Variants in SOX2 observed in about 807,000 individuals in gnomAD.
SOX2 encodes SRY-box transcription factor 2.
In SOX2, 2 loss-of-function variants were observed where a neutral mutation model predicts 19.7. The ratio of observed to expected loss-of-function variants is 0.10; its 90% CI spans 0.04 to 0.32. SOX2 has a LOEUF of 0.32. Among genes scored for constraint, SOX2 ranks in the 10% least tolerant of loss-of-function variants. The pLI, the probability that SOX2 is intolerant of heterozygous loss-of-function variation, is 1.00. For synonymous variants in SOX2, 211 were observed against 196.8 expected (o/e 1.07, Z -0.60); for missense variants, 294 against 459.9 (o/e 0.64, Z 3.30).
In SOX2 at chr3:181,713,143, C is replaced by T; in HGVS notation, c.783C>T (p.Ser261=). The change falls in exon 1 of 1, where the codon TCC becomes TCT. Residue 261 remains serine (S), a synonymous_variant. Coordinates refer to ENST00000325404, the MANE Select transcript of SOX2 (RefSeq NM_003106.4). ...SPPVVTSSSH[S]RAPCQAGDLR... ...CTGTGGTTACCTCTTCCTCCCACTC[C>T]AGGGCGCCCTGCCAGGCCGGGGACC... 3 of 1,613,724 alleles carry T rather than the reference C, an allele frequency of 1.9e-6. No homozygotes were observed. Among genetic ancestry groups the T allele is most frequent in the Non-Finnish European group, 2.5e-6 (3 of 1,180,038 alleles).
At position 181,713,983 on chromosome 3, in the gene SOX2, G is replaced by GA. The variant is rs1224318426; in HGVS notation, c.*675dup. On this transcript the variant is annotated 3_prime_UTR_variant, in exon 1 of 1. Transcript: ENST00000325404. ...TAATTGTTTAAAAATTGTACAAAAG[G>GA]AAAAAATTAGAATAAGTACTGGCGA... The GA allele has an allele frequency of 5.3e-5, 13 of 244,762 alleles. No individual in the cohort carries two copies. The highest frequency in any genetic ancestry group is 1.3e-3 in the Middle Eastern group (1 of 764). 15.2% of individuals were successfully genotyped at this position (244,762 alleles called of 1,614,324 possible).
chr3:181,713,384 AGAG>A lies in SOX2; in HGVS notation c.*74_*76del. Reference sequence around the variant, plus strand: ...ACGAGGGAAATGGGAGGGGTGCAAAAGAGGAGAGTAAGAAACAGCATGGAGAAA... The same window carrying A: ...ACGAGGGAAATGGGAGGGGTGCAAAAGAGAGTAAGAAACAGCATGGAGAAA... On this transcript the variant is annotated 3_prime_UTR_variant, in exon 1 of 1. Transcript: ENST00000325404. 1 of 1,543,592 alleles carries A rather than the reference AGAG, an allele frequency of 6.5e-7. No homozygotes were observed. The highest frequency in any genetic ancestry group is 8.8e-7 in the Non-Finnish European group (1 of 1,140,726).
Position 181,712,282 on chromosome 3 carries a change from CG to C in SOX2, c.-78del, listed in dbSNP as rs1714827550. On this transcript the variant is annotated 5_prime_UTR_variant, in exon 1 of 1. Transcript: ENST00000325404. This position sits in a 1 kb window ranked among gnomAD's most constrained non-coding sequence, Gnocchi z 8.5. ...CCCGCCTCCCCTCCTCCTCTCCCCC[CG>C]CCCGCGGGCCCCCCAAAGTCCCGGC... The C allele has an allele frequency of 8.4e-7, 1 of 1,192,462 alleles. No individual in the cohort carries two copies. Among genetic ancestry groups the C allele is most frequent in the African/African-American group, 1.6e-5 (1 of 62,698 alleles). The allele number at this position is 1,192,462 out of a possible 1,614,324, so 73.9% of individuals were successfully genotyped here. A position where few individuals can be genotyped will look rare whatever the true frequency, so the allele number is the denominator to read the frequency against.
rs1259166015 is a variant in SOX2 at position 181,713,509 on chromosome 3, C to G, written c.*195C>G. On this transcript the variant is annotated 3_prime_UTR_variant, in exon 1 of 1. Coordinates refer to ENST00000325404, the MANE Select transcript of SOX2 (RefSeq NM_003106.4). ...AGAACACCAATCCCATCCACACTCA[C>G]GCAAAAACCGCGATGCCGACAAGAA... 4 of 721,326 alleles carry G rather than the reference C, an allele frequency of 5.5e-6. No homozygotes were observed. Among genetic ancestry groups the G allele is most frequent in the South Asian group, 1.9e-5 (1 of 51,552 alleles). 44.7% of individuals were successfully genotyped at this position (721,326 alleles called of 1,614,324 possible). A position where few individuals can be genotyped will look rare whatever the true frequency, so the allele number is the denominator to read the frequency against.
At position 181,712,539 on chromosome 3, in the gene SOX2, C is replaced by T. The variant is rs562667513; in HGVS notation, c.179C>T (p.Ala60Val). 6.2e-7 allele frequency: 1 copy of T among 1,614,162 alleles called. No individual in the cohort carries two copies. Among genetic ancestry groups the T allele is most frequent in the Non-Finnish European group, 8.5e-7 (1 of 1,180,012 alleles). Residue 60 changes from alanine (A) to valine (V), a missense_variant, in exon 1 of 1, where the codon GCC (alanine) becomes GTC (valine). This residue lies in a region of SOX2 where 20 missense variants were observed against 112.3 expected (regional missense o/e 0.18). Coordinates refer to ENST00000325404, the MANE Select transcript of SOX2 (RefSeq NM_003106.4). The surrounding 1 kb of genome is among the most constrained non-coding windows in gnomAD (Gnocchi z 8.5). Reference protein sequence around the residue: ...VWSRGQRRKMAQENPKMHNSE... With the variant: ...VWSRGQRRKMVQENPKMHNSE... ...TCCCGCGGGCAGCGGCGCAAGATGG[C>T]CCAGGAGAACCCCAAGATGCACAAC...
Position 181,712,659 on chromosome 3 carries a change from T to A in SOX2, c.299T>A (p.Leu100Gln). The change falls in exon 1 of 1, where the codon CTG becomes CAG. Residue 100 changes from leucine to glutamine, a missense_variant. Transcript: ENST00000325404. The surrounding 1 kb of genome is among the most constrained non-coding windows in gnomAD (Gnocchi z 8.5). ...GACGAGGCTAAGCGGCTGCGAGCGC[T>A]GCACATGAAGGAGCACCCGGATTAT... ...FIDEAKRLRA[L>Q]HMKEHPDYKY... 6.2e-7 allele frequency: 1 copy of A among 1,614,154 alleles called. No homozygotes were observed. Among genetic ancestry groups the A allele is most frequent in the Non-Finnish European group, 8.5e-7 (1 of 1,180,008 alleles).
Position 181,713,371 on chromosome 3 carries a change from G to T in SOX2, c.*57G>T. On this transcript the variant is annotated 3_prime_UTR_variant, in exon 1 of 1. Coordinates refer to ENST00000325404, the MANE Select transcript of SOX2 (RefSeq NM_003106.4). ...TTTTCAAAGAAAAACGAGGGAAATG[G>T]GAGGGGTGCAAAAGAGGAGAGTAAG... The T allele has an allele frequency of 6.5e-7, 1 of 1,549,460 alleles. No homozygotes were observed. Among genetic ancestry groups the T allele is most frequent in the Non-Finnish European group, 8.7e-7 (1 of 1,145,960 alleles).
chr3:181,714,052 T>C lies in SOX2; in HGVS notation c.*738T>C, dbSNP rs539170555. The C allele has an allele frequency of 4.1e-6, 1 of 244,352 alleles. No homozygotes were observed. Among genetic ancestry groups the C allele is most frequent in the Non-Finnish European group, 8.6e-6 (1 of 116,108 alleles). 15.1% of individuals were successfully genotyped at this position (244,352 alleles called of 1,614,324 possible). A position where few individuals can be genotyped will look rare whatever the true frequency, so the allele number is the denominator to read the frequency against. ...TTTAAAAAGGGCAAAAGTTTTAGACTGTACTAAATTTTATAACTTACTGTT... is the reference window on the plus strand; with the variant it reads ...TTTAAAAAGGGCAAAAGTTTTAGACCGTACTAAATTTTATAACTTACTGTT... On this transcript the variant is annotated 3_prime_UTR_variant, in exon 1 of 1. Coordinates refer to ENST00000325404, the MANE Select transcript of SOX2 (RefSeq NM_003106.4).
At position 181,713,002 on chromosome 3, in the gene SOX2, G is replaced by A. The variant is rs757093500; in HGVS notation, c.642G>A (p.Gln214=). The change falls in exon 1 of 1, where the codon CAG becomes CAA. Residue 214 remains glutamine (Q), a synonymous_variant. Coordinates refer to ENST00000325404, the MANE Select transcript of SOX2 (RefSeq NM_003106.4). ...ALQYNSMTSS[Q]TYMNGSPTYS... The stretch of plus-strand genomic sequence containing the variant: ...AGTACAACTCCATGACCAGCTCGCA[G>A]ACCTACATGAACGGCTCGCCCACCT... 2 of 1,613,948 alleles carry A rather than the reference G, an allele frequency of 1.2e-6. No homozygotes were observed. The highest frequency in any genetic ancestry group is 2.2e-5 in the South Asian group (2 of 91,084).
At position 181,712,277 on chromosome 3, in the gene SOX2, C is replaced by A; in HGVS notation, c.-84C>A. ...CCCCGCCCGCCTCCCCTCCTCCTCTCCCCCCGCCCGCGGGCCCCCCAAAGT... is the reference window on the plus strand; with the variant it reads ...CCCCGCCCGCCTCCCCTCCTCCTCTACCCCCGCCCGCGGGCCCCCCAAAGT... On this transcript the variant is annotated 5_prime_UTR_variant, in exon 1 of 1. Coordinates refer to ENST00000325404, the MANE Select transcript of SOX2 (RefSeq NM_003106.4). The surrounding 1 kb of genome is among the most constrained non-coding windows in gnomAD (Gnocchi z 8.5). The A allele has an allele frequency of 8.9e-7, 1 of 1,120,962 alleles. No homozygotes were observed. Among genetic ancestry groups the A allele is most frequent in the Non-Finnish European group, 1.1e-6 (1 of 878,760 alleles). The allele number at this position is 1,120,962 out of a possible 1,614,324, so 69.4% of individuals were successfully genotyped here. A position where few individuals can be genotyped will look rare whatever the true frequency, so the allele number is the denominator to read the frequency against.
chr3:181,714,393 G>A lies in SOX2; in HGVS notation c.*1079G>A. 4.3e-6 allele frequency: 1 copy of A among 231,614 alleles called. No individual in the cohort carries two copies. Among genetic ancestry groups the A allele is most frequent in the African/African-American group, 2.2e-5 (1 of 44,530 alleles). The allele number at this position is 231,614 out of a possible 1,614,324, so 14.3% of individuals were successfully genotyped here. A position where few individuals can be genotyped will look rare whatever the true frequency, so the allele number is the denominator to read the frequency against. On this transcript the variant is annotated 3_prime_UTR_variant, in exon 1 of 1. Transcript: ENST00000325404. ...TCAACTTAAGTTTTTACTCCATTAT[G>A]CACAGTTTGAGATAAATAAATTTTT... is the stretch of plus-strand genomic sequence containing the variant.
chr3:181,712,335 G>A lies in SOX2; in HGVS notation c.-26G>A, dbSNP rs1261362618. On this transcript the variant is annotated 5_prime_UTR_variant, in exon 1 of 1. Transcript: ENST00000325404. The surrounding 1 kb of genome is among the most constrained non-coding windows in gnomAD (Gnocchi z 8.5). ...GGGCCGAGGGTCGGCGGCCGCCGGC[G>A]GGCCGGGCCCGCGCACAGCGCCCGC... The A allele has an allele frequency of 6.0e-6, 8 of 1,340,802 alleles. No individual in the cohort carries two copies. In the Admixed American group the frequency reaches 1.2e-4, roughly 20 times the overall value. 83.1% of individuals were successfully genotyped at this position (1,340,802 alleles called of 1,614,324 possible).
rs1262795478 is a variant in SOX2, at chr3:181,712,708, C to T, written c.348C>T (p.Thr116=). 6 of 1,613,676 alleles carry T rather than the reference C, an allele frequency of 3.7e-6. No homozygotes were observed. The African/African-American group carries it at 6.7e-5, about 18-fold the overall frequency. The change falls in exon 1 of 1, where the codon ACC becomes ACT. Residue 116 remains threonine, a synonymous_variant. Coordinates refer to ENST00000325404, the MANE Select transcript of SOX2 (RefSeq NM_003106.4). This position sits in a 1 kb window ranked among gnomAD's most constrained non-coding sequence, Gnocchi z 8.5. ...ATAAATACCGGCCCCGGCGGAAAAC[C>T]AAGACGCTCATGAAGAAGGATAAGT... is the stretch of plus-strand genomic sequence containing the variant. ...PDYKYRPRRK[T]KTLMKKDKYT...
chr3:181,712,790 G>T lies in SOX2; in HGVS notation c.430G>T (p.Gly144Trp). 1 of 1,602,284 alleles carries T rather than the reference G, an allele frequency of 6.2e-7. No homozygotes were observed. The highest frequency in any genetic ancestry group is 8.5e-7 in the Non-Finnish European group (1 of 1,174,682). ...CGGCAATAGCATGGCGAGCGGGGTC[G>T]GGGTGGGCGCCGGCCTGGGCGCGGG... is the stretch of plus-strand genomic sequence containing the variant. Reference protein sequence around the residue: ...PGGNSMASGVGVGAGLGAGVN... With the variant: ...PGGNSMASGVWVGAGLGAGVN... The change falls in exon 1 of 1, where the codon GGG (glycine) becomes TGG (tryptophan). Residue 144 changes from glycine (G) to tryptophan (W), a missense_variant. Transcript: ENST00000325404. The surrounding 1 kb of genome is among the most constrained non-coding windows in gnomAD (Gnocchi z 8.5).
In SOX2 at chr3:181,713,101, G is replaced by A. The variant is rs1423475777; in HGVS notation, c.741G>A (p.Glu247=). 4.3e-6 allele frequency: 7 copies of A among 1,613,740 alleles called. No individual in the cohort carries two copies. In the Admixed American group the frequency reaches 5.0e-5, roughly 12 times the overall value. Residue 247 remains glutamate (E), a synonymous_variant, in exon 1 of 1, where the codon GAG becomes GAA. Coordinates refer to ENST00000325404, the MANE Select transcript of SOX2 (RefSeq NM_003106.4). The stretch of plus-strand genomic sequence containing the variant: ...CCATGGGTTCGGTGGTCAAGTCCGA[G>A]GCCAGCTCCAGCCCCCCTGTGGTTA... ...LGSMGSVVKS[E]ASSSPPVVTS...
rs1714866256 is a variant in SOX2 at position 181,712,991 on chromosome 3, A to G, written c.631A>G (p.Thr211Ala). 6.2e-7 allele frequency: 1 copy of G among 1,613,824 alleles called. No individual in the cohort carries two copies. The highest frequency in any genetic ancestry group is 1.3e-5 in the African/African-American group (1 of 74,948). ...DVSALQYNSMTSSQTYMNGSP... is the reference protein window; with the variant it reads ...DVSALQYNSMASSQTYMNGSP... The stretch of plus-strand genomic sequence containing the variant: ...GAGCGCCCTGCAGTACAACTCCATG[A>G]CCAGCTCGCAGACCTACATGAACGG... The change falls in exon 1 of 1, where the codon ACC becomes GCC. Residue 211 changes from threonine to alanine, a missense_variant. By Grantham distance (58) the Thr-to-Ala change is moderately conservative. Around this residue, in one of 3 missense-constraint regions of SOX2, gnomAD observed 223 missense variants for 292.7 expected, o/e 0.76. Transcript: ENST00000325404. The surrounding 1 kb of genome is among the most constrained non-coding windows in gnomAD (Gnocchi z 8.5).
rs954835470 is a variant in SOX2 at position 181,712,286 on chromosome 3, C to T, written c.-75C>T. 4 of 1,214,092 alleles carry T rather than the reference C, an allele frequency of 3.3e-6. No individual in the cohort carries two copies. In the African/African-American group the frequency reaches 6.3e-5, roughly 19 times the overall value. The allele number at this position is 1,214,092 out of a possible 1,614,324, so 75.2% of individuals were successfully genotyped here. A position where few individuals can be genotyped will look rare whatever the true frequency, so the allele number is the denominator to read the frequency against. ...CCTCCCCTCCTCCTCTCCCCCCGCCCGCGGGCCCCCCAAAGTCCCGGCCGG... is the reference window on the plus strand; with the variant it reads ...CCTCCCCTCCTCCTCTCCCCCCGCCTGCGGGCCCCCCAAAGTCCCGGCCGG... On this transcript the variant is annotated 5_prime_UTR_variant, in exon 1 of 1. Coordinates refer to ENST00000325404, the MANE Select transcript of SOX2 (RefSeq NM_003106.4). This position sits in a 1 kb window ranked among gnomAD's most constrained non-coding sequence, Gnocchi z 8.5.
chr3:181,712,054 G>A lies in SOX2; in HGVS notation c.-307G>A. ...GGACTGAGAGAAAGAAGAGGAGAGA[G>A]AAAGAAAGGGAGAGAAGTTTGAGCC... On this transcript the variant is annotated 5_prime_UTR_variant, in exon 1 of 1. Transcript: ENST00000325404. The surrounding 1 kb of genome is among the most constrained non-coding windows in gnomAD (Gnocchi z 8.5). 3.0e-6 allele frequency: 1 copy of A among 328,868 alleles called. No homozygotes were observed. Among genetic ancestry groups the A allele is most frequent in the Non-Finnish European group, 5.5e-6 (1 of 182,698 alleles). The allele number at this position is 328,868 out of a possible 1,614,324, so 20.4% of individuals were successfully genotyped here.
In SOX2 at chr3:181,712,964, G is replaced by T. The variant is rs754986575; in HGVS notation, c.604G>T (p.Val202Leu). 6.2e-7 allele frequency: 1 copy of T among 1,613,922 alleles called. No homozygotes were observed. Among genetic ancestry groups the T allele is most frequent in the Non-Finnish European group, 8.5e-7 (1 of 1,180,046 alleles). The change falls in exon 1 of 1, where the codon GTG (valine) becomes TTG (leucine). Residue 202 changes from valine (V) to leucine (L), a missense_variant. Around this residue, in one of 3 missense-constraint regions of SOX2, gnomAD observed 223 missense variants for 292.7 expected, o/e 0.76. Transcript: ENST00000325404. The surrounding 1 kb of genome is among the most constrained non-coding windows in gnomAD (Gnocchi z 8.5). ...AQMQPMHRYD[V>L]SALQYNSMTS... ...GATGCAGCCCATGCACCGCTACGACGTGAGCGCCCTGCAGTACAACTCCAT... is the reference window on the plus strand; with the variant it reads ...GATGCAGCCCATGCACCGCTACGACTTGAGCGCCCTGCAGTACAACTCCAT...
Sources: allele counts gnomAD v4.1 joint callset, GRCh38; gene constraint gnomAD v4.1.1; regional missense constraint gnomAD v4.1.1; non-coding constraint Gnocchi (gnomAD v3.1); transcripts MANE v1.5; gene names NCBI Gene and HGNC (gene_info 2026-07-23, HGNC 2026-07-21).